Variants in ASTN2 observed in about 807,000 individuals in gnomAD.
ASTN2 encodes the protein astrotactin-2.
In ASTN2, 54 loss-of-function variants were observed where a neutral mutation model predicts 139.8. That is an observed-to-expected ratio of 0.39 (90% confidence interval 0.31 to 0.48). The LOEUF (loss-of-function observed/expected upper bound fraction) is 0.48. ASTN2 is among the 20% of genes least tolerant of loss of function. ASTN2 has a pLI of 0.95. For missense variants in ASTN2, 1,565 were observed against 1,725.1 expected (o/e 0.91, Z 1.64); for synonymous variants, 756 against 719.5 (o/e 1.05, Z -0.81).
At chr9:116,534,297 C>G (rs1167320238) in intron 19 of ASTN2, among the ~76,000 whole-genome samples, 3 of 151,994 alleles carry the variant, frequency 2.0e-5, no homozygotes, top group African/African-American at 7.2e-5. Flanking sequence ...TTTTGTTGAT[C>G]TTTTCAAAAA....
chr9:116,665,657 T>A (rs1170024257), intron 16 of ASTN2, among the ~76,000 whole-genome samples: 4 of 152,126 alleles, frequency 2.6e-5, no homozygotes, highest in Non-Finnish European at 5.9e-5. Context: ...GGATGTTTTG[T>A]TGTAACAAAA....
intron 8 of ASTN2, 59 bp downstream of exon 8, chr9:116,976,642 A>G: frequency 1.4e-6 from 2 of 1,456,934 alleles, no homozygotes; most frequent in Non-Finnish European, 1.9e-6. Flanking sequence ...TGGTAACAGA[A>G]CAGAGGAGGT....
At chr9:116,957,959 G>A (rs765856939) in intron 10 of ASTN2, among the ~76,000 whole-genome samples, 4 of 152,180 alleles carry the variant, frequency 2.6e-5, no homozygotes, top group Non-Finnish European at 4.4e-5. Flanking sequence ...GATTGCAGGT[G>A]TGAGCCACCC....
chr9:116,562,191 T>G (rs919114143), intron 19 of ASTN2: 1 of 152,182 alleles, frequency 6.6e-6, no homozygotes, highest in Non-Finnish European at 1.5e-5. Flanking sequence ...TCAAGCACAT[T>G]TAGGAAACTT....
intron 17 of ASTN2, among the ~76,000 whole-genome samples, chr9:116,646,173 T>C (rs1295625716): frequency 6.6e-6 from 1 of 152,204 alleles, no homozygotes; most frequent in Non-Finnish European, 1.5e-5. Context: ...ACCTGTACTA[T>C]CTGCTTCCAT....
Position 116,753,552 on chromosome 9 carries a change from T to A in ASTN2, c.2397-20029A>T, listed in dbSNP as rs189607835. Reference sequence around the variant, plus strand: ...AATATTGGCTCATCAATGGAATACATTTCACAACACTAATGCATGGTGAAT... The same window carrying A: ...AATATTGGCTCATCAATGGAATACAATTCACAACACTAATGCATGGTGAAT... On this transcript the variant is annotated intron_variant, in intron 13 of 22. Transcript: ENST00000313400. Among the ~76,000 whole-genome samples the A allele has an allele frequency of 3.6e-3, 543 of 152,270 alleles. 3 individuals are homozygous for A. Among genetic ancestry groups the A allele is most frequent in the African/African-American group, 0.012 (515 of 41,548 alleles).
intron 19 of ASTN2, among the ~76,000 whole-genome samples, chr9:116,501,784 A>T (rs1047819671): frequency 2.0e-5 from 3 of 151,982 alleles, no homozygotes; most frequent in Non-Finnish European, 4.4e-5. Context: ...GCGCACCAGC[A>T]CGTCACATGT....
chr9:117,337,642 A>T (rs1281629510), intron 1 of ASTN2, among the ~76,000 whole-genome samples: 1 of 152,182 alleles, frequency 6.6e-6, no homozygotes, highest in African/African-American at 2.4e-5. Context: ...ATATGTTTGA[A>T]TTTTTACTGC....
chr9:116,604,461 C>T (rs1044047621), intron 19 of ASTN2, among the ~76,000 whole-genome samples: 2 of 152,152 alleles, frequency 1.3e-5, no homozygotes, highest in Admixed American at 1.3e-4. Context: ...ACCCCCACCC[C>T]CCAATTCTAG....
In ASTN2 at chr9:117,144,548, G is replaced by C. The variant is rs151191609; in HGVS notation, c.1016-3070C>G. ...GTAGAGAATGATTGATAAGGGAAAA[G>C]GAGGGATTAAGGATGACTCCTGGGT... On this transcript the variant is annotated intron_variant, in intron 3 of 22. Coordinates refer to ENST00000313400, the MANE Select transcript of ASTN2 (RefSeq NM_001365068.1). Among the ~76,000 whole-genome samples, 660 of 151,806 alleles carry C rather than the reference G, an allele frequency of 4.3e-3. 4 individuals are homozygous for C. The highest frequency in any genetic ancestry group is 0.015 in the African/African-American group (616 of 41,344).
At chr9:116,636,441 G>T (rs1857077230) in intron 17 of ASTN2, among the ~76,000 whole-genome samples, 1 of 152,182 alleles carries the variant, frequency 6.6e-6, no homozygotes, top group African/African-American at 2.4e-5. Flanking sequence ...TTGAGAGGCT[G>T]ATGCAGGTGG....
At chr9:116,620,837 A>G (rs1231018969) in intron 17 of ASTN2, among the ~76,000 whole-genome samples, 2 of 152,200 alleles carry the variant, frequency 1.3e-5, no homozygotes, top group South Asian at 2.1e-4. Flanking sequence ...TACGATAGCG[A>G]TAGAGCTAGG....
intron 19 of ASTN2, among the ~76,000 whole-genome samples, chr9:116,575,188 A>T (rs1182654688): frequency 6.6e-6 from 1 of 152,126 alleles, no homozygotes; most frequent in Non-Finnish European, 1.5e-5. Context: ...CTGCAGTATC[A>T]CTTTTATTGG....
intron 10 of ASTN2, among the ~76,000 whole-genome samples, chr9:116,945,369 T>TAATGA: frequency 6.6e-6 from 1 of 152,074 alleles, no homozygotes; most frequent in East Asian, 1.9e-4. Context: ...GTTCTGTGAG[T>TAATGA]AATGAAATGG....
intron 4 of ASTN2, among the ~76,000 whole-genome samples, chr9:117,128,858 A>G (rs1173307842): frequency 7.9e-5 from 12 of 152,252 alleles, no homozygotes; most frequent in Admixed American, 7.9e-4. Flanking sequence ...GGATGGCAGC[A>G]GGCAAAGAGA....
At chr9:116,676,863 G>A (rs577529891) in intron 16 of ASTN2, among the ~76,000 whole-genome samples, 2 of 152,262 alleles carry the variant, frequency 1.3e-5, no homozygotes, top group South Asian at 4.1e-4. Context: ...GGTAGTTTCT[G>A]ATTTCCTCTC....
chr9:116,893,297 T>C (rs1833808623), intron 10 of ASTN2, among the ~76,000 whole-genome samples: 1 of 152,180 alleles, frequency 6.6e-6, no homozygotes, highest in East Asian at 1.9e-4. Context: ...ACACATTATT[T>C]TCATGGCTAT....
chr9:116,718,972 G>GTATATATATATTTATATATATATATATA, intron 16 of ASTN2, among the ~76,000 whole-genome samples: 1 of 100,052 alleles, frequency 1.0e-5, no homozygotes. Flanking sequence ...ACCTGTATCT[G>GTATATATATATTTATATATATATATATA]TACATATATA....
Position 116,747,601 on chromosome 9 carries a change from C to T in ASTN2, c.2397-14078G>A, listed in dbSNP as rs187703789. On this transcript the variant is annotated intron_variant, in intron 13 of 22. Coordinates refer to ENST00000313400, the MANE Select transcript of ASTN2 (RefSeq NM_001365068.1). The stretch of plus-strand genomic sequence containing the variant: ...TGTACAATTGAATCAGGGCCATCTG[C>T]CTCCACTCTACCACCTATCTCTCCA... Among the ~76,000 whole-genome samples the T allele has an allele frequency of 1.5e-3, 224 of 152,092 alleles. 3 individuals carry two copies. Among genetic ancestry groups the T allele is most frequent in the African/African-American group, 5.2e-3 (217 of 41,482 alleles).
Sources: gnomAD v4.1 joint callset for allele counts (sites outside exome capture counted in the v4.1 genomes callset) on GRCh38, gnomAD v4.1.1 for gene constraint, MANE v1.5 for transcripts, NCBI Gene and HGNC (gene_info 2026-07-23, HGNC 2026-07-21) for gene names.